Variants in FAM78A observed in about 807,000 individuals in gnomAD.
FAM78A encodes family with sequence similarity 78 member A, also known as protein FAM78A.
In FAM78A, 12 loss-of-function variants were observed where a neutral mutation model predicts 22.6. The observed-to-expected ratio is 0.53, with a 90% CI of 0.34 to 0.86. FAM78A has a LOEUF of 0.86. Ranked by LOEUF, FAM78A falls within the 40% of genes least tolerant of loss-of-function variation. The probability of loss-of-function intolerance (pLI) is 0.02; values close to 1 mark genes in which losing one functional copy is unlikely to be tolerated. For missense variants in FAM78A, 322 were observed against 396.1 expected, an observed-to-expected ratio of 0.81 and a Z score of 1.59; for synonymous variants, 151 against 155.8, an observed-to-expected ratio of 0.97 and a Z score of 0.23.
rs973937369 is a variant in FAM78A, at chr9:131,275,350, C to T, written c.323+507G>A. 6.6e-6 allele frequency among the ~76,000 whole-genome samples: 1 copy of T among 152,258 alleles called. No homozygotes were observed. Among genetic ancestry groups the T allele is most frequent in the African/African-American group, 2.4e-5 (1 of 41,464 alleles). On this transcript the variant is annotated intron_variant, in intron 1 of 1. Transcript: ENST00000372271. This position sits in a 1 kb window ranked among gnomAD's most constrained non-coding sequence, Gnocchi z 4.6. ...TTGGAACGGGGAAGCACTCCCCCAG[C>T]TCCTGGCATACACTGGTAAAAGCCA...
intron 1 of FAM78A, chr9:131,270,529 T>C (rs1588199772): frequency 7.0e-6 from 5 of 715,122 alleles, no homozygotes; most frequent in Admixed American, 4.0e-5. Flanking sequence ...TGGCCAGGGC[T>C]GGTCCTGGGG....
chr9:131,270,036 A>AG (rs1835397286), intron 1 of FAM78A, among the ~76,000 whole-genome samples: 1 of 123,930 alleles, frequency 8.1e-6, no homozygotes, highest in Non-Finnish European at 1.8e-5. Context: ...CCCTACTAAA[A>AG]TAAAAAAAAA....
intron 1 of FAM78A, among the ~76,000 whole-genome samples, chr9:131,267,853 G>T (rs946834280): frequency 1.3e-5 from 2 of 151,752 alleles, no homozygotes; most frequent in African/African-American, 4.8e-5. Flanking sequence ...AGACCATCCT[G>T]GCTAACACGG....
intron 1 of FAM78A, chr9:131,262,651 C>T (rs544440889): frequency 6.6e-6 from 1 of 152,158 alleles, no homozygotes; most frequent in South Asian, 2.1e-4. Flanking sequence ...AAGTGTCCAA[C>T]GACAGATAAA....
At position 131,268,857 on chromosome 9, in the gene FAM78A, C is replaced by T. The variant is rs530041182; in HGVS notation, c.323+7000G>A. 2.0e-5 allele frequency among the ~76,000 whole-genome samples: 3 copies of T among 150,186 alleles called. No individual in the cohort carries two copies. The East Asian group carries it at 6.0e-4, about 30-fold the overall frequency. ...GCAGTGAGCCGAGATGGCGCCCCTG[C>T]ACTCCAGCCTGGGCGACAGAGCGAG... On this transcript the variant is annotated intron_variant, in intron 1 of 1. Coordinates refer to ENST00000372271, the MANE Select transcript of FAM78A (RefSeq NM_033387.4).
At chr9:131,273,090 C>A (rs1564239273) in intron 1 of FAM78A, among the ~76,000 whole-genome samples, 1 of 152,210 alleles carries the variant, frequency 6.6e-6, no homozygotes. Context: ...GGACTCTGTT[C>A]TTTGGTAACT....
At chr9:131,270,748 G>A (rs775494253) in intron 1 of FAM78A, among the ~76,000 whole-genome samples, 25 of 152,186 alleles carry the variant, frequency 1.6e-4, no homozygotes, top group Admixed American at 3.9e-4. Flanking sequence ...AAGAGGCCAC[G>A]TGGTCAACAG....
At chr9:131,276,830 C>G (rs1477328848), upstream of FAM78A, among the ~76,000 whole-genome samples, 1 of 149,458 alleles carries the variant, frequency 6.7e-6, no homozygotes, top group Non-Finnish European at 1.5e-5. This position sits in a 1 kb window ranked among gnomAD's most constrained non-coding sequence, Gnocchi z 4.3. Flanking sequence ...GCGGGCCGGA[C>G]GTCCCCACGC....
chr9:131,269,626 A>G (rs1191291283), intron 1 of FAM78A, among the ~76,000 whole-genome samples: 1 of 151,988 alleles, frequency 6.6e-6, no homozygotes, highest in Non-Finnish European at 1.5e-5. Context: ...AAAGGCACGC[A>G]CCACCACACC....
At position 131,275,917 on chromosome 9, in the gene FAM78A, A is replaced by T. The variant is rs1835478008; in HGVS notation, c.263T>A (p.Val88Asp). The change falls in exon 1 of 2, where the codon GTT (valine) becomes GAT (aspartate). Residue 88 changes from valine (V) to aspartate (D), a missense_variant. Coordinates refer to ENST00000372271, the MANE Select transcript of FAM78A (RefSeq NM_033387.4). The surrounding 1 kb of genome is among the most constrained non-coding windows in gnomAD (Gnocchi z 4.6). ...GTGGCTGCACGCCTGGATCCAGCCA[A>T]CTACCCAAGTCTCCTTCTTGGGGAT... ...PPIPKKETWV[V>D]GWIQACSHME... 1 of 1,612,754 alleles carries T rather than the reference A, an allele frequency of 6.2e-7. No homozygotes were observed. The highest frequency in any genetic ancestry group is 1.3e-5 in the African/African-American group (1 of 74,914).
rs760131990 is a variant in FAM78A at position 131,261,251 on chromosome 9, G to A, written c.423C>T (p.Thr141=). The part of the protein sequence containing the change: ...NYPWYGNTTE[T]CTIVGPTKRD... ...TCTTGGTGGGGCCCACGATGGTGCA[G>A]GTCTCTGTGGTGTTGCCGTACCAGG... Residue 141 remains threonine (T), a synonymous_variant, in exon 2 of 2, where the codon ACC becomes ACT. Transcript: ENST00000372271. This position sits in a 1 kb window ranked among gnomAD's most constrained non-coding sequence, Gnocchi z 7.1. The A allele has an allele frequency of 6.2e-7, 1 of 1,612,688 alleles. No homozygotes were observed. The highest frequency in any genetic ancestry group is 1.1e-5 in the South Asian group (1 of 91,070).
chr9:131,275,909 T>C lies in FAM78A; in HGVS notation c.271A>G (p.Ile91Val), dbSNP rs1835477657. The change falls in exon 1 of 2, where the codon ATC becomes GTC. Residue 91 changes from isoleucine (I) to valine (V), a missense_variant. By Grantham distance (29) the Ile-to-Val change is conservative. Transcript: ENST00000372271. The surrounding 1 kb of genome is among the most constrained non-coding windows in gnomAD (Gnocchi z 4.6). ...PKKETWVVGWIQACSHMEFYN... is the reference protein window; with the variant it reads ...PKKETWVVGWVQACSHMEFYN... ...AACTCCATGTGGCTGCACGCCTGGATCCAGCCAACTACCCAAGTCTCCTTC... is the reference window on the plus strand; with the variant it reads ...AACTCCATGTGGCTGCACGCCTGGACCCAGCCAACTACCCAAGTCTCCTTC... 1.2e-5 allele frequency: 19 copies of C among 1,612,198 alleles called. No individual in the cohort carries two copies. The highest frequency in any genetic ancestry group is 1.5e-5 in the Non-Finnish European group (18 of 1,179,278).
In FAM78A at chr9:131,275,391, C is replaced by A. The variant is rs928309602; in HGVS notation, c.323+466G>T. Among the ~76,000 whole-genome samples the A allele has an allele frequency of 2.6e-5, 4 of 152,220 alleles. No homozygotes were observed. Among genetic ancestry groups the A allele is most frequent in the African/African-American group, 7.2e-5 (3 of 41,450 alleles). On this transcript the variant is annotated intron_variant, in intron 1 of 1. Transcript: ENST00000372271. The surrounding 1 kb of genome is among the most constrained non-coding windows in gnomAD (Gnocchi z 4.6). ...GTAAAAGCCAGAAAGATAATTGAGG[C>A]CCAATCGCAAAGCCCTGAACACACC...
upstream of FAM78A, among the ~76,000 whole-genome samples, chr9:131,280,574 T>C (rs115153108): frequency 5.1e-3 from 769 of 151,912 alleles, 12 homozygotes; most frequent in African/African-American, 0.018. Flanking sequence ...CACGGCCCCA[T>C]CCCCCACCCG....
In FAM78A at chr9:131,265,944, G is replaced by A. The variant is rs1433557761; in HGVS notation, c.324-4594C>T. On this transcript the variant is annotated intron_variant, in intron 1 of 1. Coordinates refer to ENST00000372271, the MANE Select transcript of FAM78A (RefSeq NM_033387.4). This position sits in a 1 kb window ranked among gnomAD's most constrained non-coding sequence, Gnocchi z 4.3. The stretch of plus-strand genomic sequence containing the variant: ...GCTGAAGTGGCTTCCTCAGCCTCCC[G>A]CAGCGTCCCTGTCCTGAGTCCCATC... Among the ~76,000 whole-genome samples the A allele has an allele frequency of 2.0e-5, 3 of 152,244 alleles. No individual in the cohort carries two copies. The highest frequency in any genetic ancestry group is 2.1e-4 in the South Asian group (1 of 4,822).
At chr9:131,279,424 T>A (rs766653327), upstream of FAM78A, among the ~76,000 whole-genome samples, 2 of 152,230 alleles carry the variant, frequency 1.3e-5, no homozygotes, top group Non-Finnish European at 2.9e-5. Context: ...CCAGTTTATA[T>A]GTAGGGACGA....
At position 131,272,574 on chromosome 9, in the gene FAM78A, C is replaced by A. The variant is rs939384650; in HGVS notation, c.323+3283G>T. Among the ~76,000 whole-genome samples, 1 of 152,184 alleles carries A rather than the reference C, an allele frequency of 6.6e-6. No individual in the cohort carries two copies. Among genetic ancestry groups the A allele is most frequent in the Non-Finnish European group, 1.5e-5 (1 of 68,038 alleles). On this transcript the variant is annotated intron_variant, in intron 1 of 1. Transcript: ENST00000372271. This position sits in a 1 kb window ranked among gnomAD's most constrained non-coding sequence, Gnocchi z 4.1. ...ACCACTGTTCCCTTTCCTTTTCATG[C>A]CACAAGGCTTAAAAACTTGGAAAAT... is the stretch of plus-strand genomic sequence containing the variant.
At chr9:131,277,715 G>A (rs1835503030), upstream of FAM78A, among the ~76,000 whole-genome samples, 1 of 149,968 alleles carries the variant, frequency 6.7e-6, no homozygotes, top group Non-Finnish European at 1.5e-5. The surrounding 1 kb of genome is among the most constrained non-coding windows in gnomAD (Gnocchi z 8.4). Context: ...CCCTCCTCCC[G>A]GCTTGGGGCT....
At chr9:131,267,813 A>G (rs1418649531) in intron 1 of FAM78A, among the ~76,000 whole-genome samples, 2 of 152,232 alleles carry the variant, frequency 1.3e-5, no homozygotes, top group East Asian at 3.9e-4. Flanking sequence ...TGGGAGGCTG[A>G]GGCGGGCAGA....
Sources: gnomAD v4.1 joint callset for allele counts (sites outside exome capture counted in the v4.1 genomes callset) on GRCh38, gnomAD v4.1.1 for gene constraint, Gnocchi (gnomAD v3.1) non-coding constraint, MANE v1.5 for transcripts, NCBI Gene and HGNC (gene_info 2026-07-23, HGNC 2026-07-21) for gene names.